Variants in EYS observed in about 807,000 individuals in gnomAD.
The protein encoded by EYS is protein eyes shut homolog.
A neutral mutation model predicts 282.1 loss-of-function variants in EYS; 250 were observed. That is an observed-to-expected ratio of 0.89 (90% CI 0.80 to 0.98). The LOEUF (loss-of-function observed/expected upper bound fraction) is 0.98, where lower values mean the gene tolerates loss of function less well. EYS is among the 50% of genes least tolerant of loss of function. EYS has a pLI of 0.00. For missense variants in EYS, 4,016 were observed against 3,709.0 expected (o/e 1.08, Z -2.15); for synonymous variants, 1,355 against 1,282.9 (o/e 1.06, Z -1.20).
intron 22 of EYS, among the ~76,000 whole-genome samples, chr6:64,723,849 T>C (rs1771667542): frequency 6.6e-6 from 1 of 152,064 alleles, no homozygotes; most frequent in Non-Finnish European, 1.5e-5. Context: ...TCCTAGTGAG[T>C]AGCCTCAGCA....
chr6:64,321,171 T>A (rs1450445200), intron 29 of EYS, among the ~76,000 whole-genome samples: 6 of 151,756 alleles, frequency 4.0e-5, no homozygotes, highest in Non-Finnish European at 8.9e-5. Flanking sequence ...TTTACAGATA[T>A]AAATCCCTCT....
At chr6:63,932,531 T>A (rs531337149) in intron 35 of EYS, among the ~76,000 whole-genome samples, 2 of 152,186 alleles carry the variant, frequency 1.3e-5, no homozygotes, top group African/African-American at 4.8e-5. Context: ...TTCAGGGAAT[T>A]TTTTAGTCCT....
intron 31 of EYS, among the ~76,000 whole-genome samples, chr6:64,083,707 A>C (rs1772051510): frequency 6.6e-6 from 1 of 152,170 alleles, no homozygotes; most frequent in South Asian, 2.1e-4. Flanking sequence ...GTTAAATTCA[A>C]ATTTCAGATA....
intron 29 of EYS, among the ~76,000 whole-genome samples, chr6:64,368,377 C>T (rs570205174): frequency 6.6e-6 from 1 of 152,038 alleles, no homozygotes; most frequent in Non-Finnish European, 1.5e-5. Flanking sequence ...TTGCCTTGCT[C>T]TTTGTGAATA....
intron 12 of EYS, among the ~76,000 whole-genome samples, chr6:65,123,591 A>G (rs1775627983): frequency 6.6e-6 from 1 of 152,162 alleles, no homozygotes; most frequent in Admixed American, 6.6e-5. Flanking sequence ...TGAGGAAGGA[A>G]ACAATACAAG....
chr6:64,123,276 C>T (rs183486046), intron 31 of EYS, among the ~76,000 whole-genome samples: 34 of 152,182 alleles, frequency 2.2e-4, no homozygotes, highest in African/African-American at 8.2e-4. Context: ...GAAAACAAGG[C>T]CTCATATAGT....
chr6:65,638,823 C>T (rs536341420), intron 2 of EYS, among the ~76,000 whole-genome samples: 1 of 152,344 alleles, frequency 6.6e-6, no homozygotes, highest in Admixed American at 6.5e-5. Flanking sequence ...GGCAGGCTGA[C>T]TGGGCAGAAC....
In EYS at chr6:64,230,698, A is replaced by T. The variant is rs193261187; in HGVS notation, c.6318T>A (p.Asp2106Glu). ...GGCATGTGCCTCCATTGTGGCATAC[A>T]TCCTGCTGGCACACAGAGGGTGCTG... ...SVAAPSVCQQ[D>E]VCHNGGTCHA... Residue 2106 changes from aspartate (D) to glutamate (E), a missense_variant, in exon 31 of 43, where the codon GAT becomes GAA. Asp to Glu is a conservative substitution (Grantham distance 45, BLOSUM62 2). Transcript: ENST00000503581. The T allele has an allele frequency of 9.7e-6, 15 of 1,551,598 alleles. No individual in the cohort carries two copies. Among genetic ancestry groups the T allele is most frequent in the Non-Finnish European group, 1.3e-5 (15 of 1,146,904 alleles).
chr6:64,444,347 G>T (rs979912082), intron 26 of EYS, among the ~76,000 whole-genome samples: 1 of 152,032 alleles, frequency 6.6e-6, no homozygotes, highest in African/African-American at 2.4e-5. Flanking sequence ...GAGAAATAAA[G>T]CTAATTTTTA....
At chr6:64,487,993 A>C (rs1345822180) in intron 26 of EYS, among the ~76,000 whole-genome samples, 1 of 151,040 alleles carries the variant, frequency 6.6e-6, no homozygotes. Flanking sequence ...AAACCACTGG[A>C]TGGCAACATG....
intron 2 of EYS, among the ~76,000 whole-genome samples, chr6:65,506,767 C>T (rs371556197): frequency 1.3e-5 from 2 of 151,924 alleles, no homozygotes; most frequent in African/African-American, 4.8e-5. Context: ...CCATCACACC[C>T]AGTCACAATA....
chr6:63,825,758 A>G (rs934346860), intron 36 of EYS, among the ~76,000 whole-genome samples: 1 of 152,334 alleles, frequency 6.6e-6, no homozygotes, highest in South Asian at 2.1e-4. Context: ...CTTCGGCCCT[A>G]GACCTTCCCT....
At chr6:65,625,736 A>G (rs1218690296) in intron 2 of EYS, among the ~76,000 whole-genome samples, 3 of 152,138 alleles carry the variant, frequency 2.0e-5, no homozygotes, top group African/African-American at 7.2e-5. Flanking sequence ...GCATCAAACT[A>G]TTTTGTTTTG....
chr6:64,845,644 C>T (rs572799998), intron 19 of EYS, among the ~76,000 whole-genome samples: 3 of 151,990 alleles, frequency 2.0e-5, no homozygotes, highest in Admixed American at 2.0e-4. Context: ...AGGTAACTCA[C>T]GAAAATTCAT....
intron 14 of EYS, among the ~76,000 whole-genome samples, chr6:64,977,310 A>C (rs1034144572): frequency 6.6e-6 from 1 of 151,948 alleles, no homozygotes; most frequent in African/African-American, 2.4e-5. Flanking sequence ...ATAAGTGATC[A>C]GTAATTTTTT....
chr6:64,100,373 T>C (rs548410044), intron 31 of EYS, among the ~76,000 whole-genome samples: 16 of 152,316 alleles, frequency 1.1e-4, no homozygotes, highest in African/African-American at 3.8e-4. Flanking sequence ...TAGTTTCTCT[T>C]TTGCCCTGCT....
chr6:64,129,018 C>A (rs950660402), intron 31 of EYS, among the ~76,000 whole-genome samples: 5 of 152,108 alleles, frequency 3.3e-5, no homozygotes, highest in Non-Finnish European at 7.4e-5. Flanking sequence ...CTGGTCAAGT[C>A]TTGCCCACTG....
chr6:64,409,874 T>C (rs1445803305), intron 28 of EYS, among the ~76,000 whole-genome samples: 1 of 152,122 alleles, frequency 6.6e-6, no homozygotes, highest in African/African-American at 2.4e-5. Context: ...ACTATGAAAG[T>C]GCTCTTAGTG....
chr6:63,912,370 A>G (rs1489880955), intron 35 of EYS, among the ~76,000 whole-genome samples: 1 of 152,216 alleles, frequency 6.6e-6, no homozygotes, highest in East Asian at 1.9e-4. Flanking sequence ...CACATTATAA[A>G]AAATAAAAAA....
Sources: gnomAD v4.1 joint callset for allele counts (sites outside exome capture counted in the v4.1 genomes callset) on GRCh38, gnomAD v4.1.1 for gene constraint, MANE v1.5 for transcripts, NCBI Gene and HGNC (gene_info 2026-07-23, HGNC 2026-07-21) for gene names.